DGKB: variants seen among roughly 807,000 people sequenced by gnomAD.
The protein encoded by DGKB is diacylglycerol kinase beta.
DGKB carries 67 observed loss-of-function variants against 114.3 expected under a neutral mutation model. That is an observed-to-expected ratio of 0.59 (90% CI 0.48 to 0.72). The LOEUF is 0.72. DGKB is among the 30% of genes least tolerant of loss of function. DGKB has a pLI of 0.00. For synonymous variants in DGKB, 398 were observed against 323.1 expected (o/e 1.23, Z -2.49); for missense variants, 907 against 975.2 (o/e 0.93, Z 0.93).
At chr7:14,283,812 T>C (rs1208273630) in intron 23 of DGKB, among the ~76,000 whole-genome samples, 1 of 152,098 alleles carries the variant, frequency 6.6e-6, no homozygotes, top group Non-Finnish European at 1.5e-5. Flanking sequence ...GCTAGCCATA[T>C]GCAGAAAGCT....
intron 1 of DGKB, among the ~76,000 whole-genome samples, chr7:14,893,866 G>C (rs950953955): frequency 6.6e-6 from 1 of 151,164 alleles, no homozygotes; most frequent in Non-Finnish European, 1.5e-5. Context: ...ACTGCACATA[G>C]CCCATGGTAT....
intron 13 of DGKB, among the ~76,000 whole-genome samples, chr7:14,638,594 C>T (rs1811171425): frequency 6.6e-6 from 1 of 152,068 alleles, no homozygotes; most frequent in Non-Finnish European, 1.5e-5. Flanking sequence ...AGGCACTAGA[C>T]ATAAAGAGAT....
At chr7:14,959,532 C>A (rs925944229) in intron 1 of DGKB, among the ~76,000 whole-genome samples, 3 of 151,852 alleles carry the variant, frequency 2.0e-5, no homozygotes, top group Non-Finnish European at 2.9e-5. Context: ...TCACTAAGGA[C>A]AACATAACTC....
chr7:14,586,740 G>A (rs1263883006), intron 17 of DGKB, among the ~76,000 whole-genome samples: 1 of 151,900 alleles, frequency 6.6e-6, no homozygotes, highest in African/African-American at 2.4e-5. Context: ...TAAGAATTAT[G>A]CCAAACTTAC....
At chr7:14,853,518 A>G (rs1022711622) in intron 1 of DGKB, among the ~76,000 whole-genome samples, 1 of 151,900 alleles carries the variant, frequency 6.6e-6, no homozygotes. Context: ...TAAGCCATAA[A>G]TTGCAAACAC....
intron 1 of DGKB, among the ~76,000 whole-genome samples, chr7:14,941,662 C>T (rs1212653205): frequency 6.6e-6 from 1 of 151,770 alleles, no homozygotes; most frequent in African/African-American, 2.4e-5. Flanking sequence ...ATGTAAAAAC[C>T]AATCGATCTA....
chr7:14,294,586 A>C (rs1802244323), intron 23 of DGKB, among the ~76,000 whole-genome samples: 1 of 152,224 alleles, frequency 6.6e-6, no homozygotes, highest in Admixed American at 6.5e-5. Flanking sequence ...TTATTCAGCT[A>C]AAGTTTATAG....
At chr7:14,551,770 G>T (rs1052502648) in intron 20 of DGKB, among the ~76,000 whole-genome samples, 3 of 152,096 alleles carry the variant, frequency 2.0e-5, no homozygotes, top group African/African-American at 7.2e-5. Context: ...CAGTTGCAAA[G>T]ATGATCACTG....
At chr7:14,253,799 A>G (rs946505414) in intron 23 of DGKB, among the ~76,000 whole-genome samples, 1 of 152,126 alleles carries the variant, frequency 6.6e-6, no homozygotes, top group Non-Finnish European at 1.5e-5. Context: ...CTTCTCTTGT[A>G]TGTGTCCATT....
At chr7:14,681,400 CTCA>C (rs772537207) in intron 12 of DGKB, among the ~76,000 whole-genome samples, 1 of 151,580 alleles carries the variant, frequency 6.6e-6, no homozygotes, top group African/African-American at 2.4e-5. Flanking sequence ...AGTTGTTTTT[CTCA>C]TCATTCTGTA....
At chr7:14,846,948 G>C (rs1250786315) in intron 1 of DGKB, among the ~76,000 whole-genome samples, 1 of 151,958 alleles carries the variant, frequency 6.6e-6, no homozygotes, top group Non-Finnish European at 1.5e-5. Flanking sequence ...GTAATTATTA[G>C]AAGTCAGTAT....
chr7:14,693,215 CT>C (rs958239823), intron 9 of DGKB, among the ~76,000 whole-genome samples: 7 of 152,106 alleles, frequency 4.6e-5, no homozygotes, highest in African/African-American at 1.7e-4. Flanking sequence ...CTTTCCACCC[CT>C]AATGTTCTTT....
intron 20 of DGKB, among the ~76,000 whole-genome samples, chr7:14,528,205 G>T (rs80000815): frequency 0.02 from 3,110 of 152,100 alleles, 38 homozygotes; most frequent in Middle Eastern, 0.024. Context: ...CCATCTAACA[G>T]GTCTTTCCAC....
chr7:14,878,955 C>A (rs1853791848), intron 1 of DGKB, among the ~76,000 whole-genome samples: 1 of 151,818 alleles, frequency 6.6e-6, no homozygotes, highest in South Asian at 2.1e-4. Context: ...TCATCAATAT[C>A]TATTTAAACA....
intron 23 of DGKB, among the ~76,000 whole-genome samples, chr7:14,236,727 A>G (rs1273813872): frequency 2.0e-5 from 3 of 152,022 alleles, no homozygotes; most frequent in Non-Finnish European, 4.4e-5. Context: ...TTCCTGTGAT[A>G]GTGAAAAAGC....
At chr7:14,786,226 T>A (rs1562530686) in intron 2 of DGKB, among the ~76,000 whole-genome samples, 1 of 152,158 alleles carries the variant, frequency 6.6e-6, no homozygotes, top group Non-Finnish European at 1.5e-5. Context: ...AACTTGGATA[T>A]CTACAAATAA....
chr7:14,958,732 T>C (rs957638875), intron 1 of DGKB, among the ~76,000 whole-genome samples: 5 of 152,064 alleles, frequency 3.3e-5, no homozygotes, highest in African/African-American at 1.2e-4. Flanking sequence ...GATGTAAATG[T>C]AACTGTTTTC....
intron 21 of DGKB, among the ~76,000 whole-genome samples, chr7:14,375,960 G>A (rs111667288): frequency 9.8e-5 from 15 of 152,344 alleles, no homozygotes; most frequent in African/African-American, 3.6e-4. Context: ...GGGGTGAAAT[G>A]TTGGTTCAAA....
intron 9 of DGKB, among the ~76,000 whole-genome samples, chr7:14,693,543 T>C (rs1489953119): frequency 6.7e-6 from 1 of 150,176 alleles, no homozygotes; most frequent in Non-Finnish European, 1.5e-5. Context: ...AACTTACGTT[T>C]ATTTAAGTTG....
Sources: gnomAD v4.1 joint callset for allele counts (sites outside exome capture counted in the v4.1 genomes callset) on GRCh38, gnomAD v4.1.1 for gene constraint, MANE v1.5 for transcripts, NCBI Gene and HGNC (gene_info 2026-07-23, HGNC 2026-07-21) for gene names.